NEURL1B: variants seen among roughly 807,000 people sequenced by gnomAD.
NEURL1B encodes the protein E3 ubiquitin-protein ligase NEURL1B.
A neutral mutation model predicts 37.4 loss-of-function variants in NEURL1B; 13 were observed. The ratio of observed to expected loss-of-function variants is 0.35; its 90% CI spans 0.23 to 0.55. The LOEUF is 0.55. NEURL1B is among the 20% of genes least tolerant of loss of function. NEURL1B has a pLI of 0.89. For synonymous variants in NEURL1B, 432 were observed against 426.6 expected (o/e 1.01, Z -0.16); for missense variants, 790 against 879.2 (o/e 0.90, Z 1.28).
At position 172,691,057 on chromosome 5, in the gene NEURL1B, T is replaced by C. The variant is rs1004580713; in HGVS notation, c.*4132T>C. On this transcript the variant is annotated 3_prime_UTR_variant, in exon 5 of 5. Transcript: ENST00000369800. ...CTCGGTATTTAACTGTCTCGCTGTC[T>C]TATCCGAGTCCCTAATGAAACGACT... 13 of 152,314 alleles carry C rather than the reference T, an allele frequency of 8.5e-5. No individual in the cohort carries two copies. Among genetic ancestry groups the C allele is most frequent in the African/African-American group, 3.1e-4 (13 of 41,556 alleles). 9.4% of individuals were successfully genotyped at this position (152,314 alleles called of 1,614,324 possible).
intron 1 of NEURL1B, among the ~76,000 whole-genome samples, chr5:172,666,598 C>T (rs1026267998): frequency 1.3e-5 from 2 of 152,030 alleles, no homozygotes; most frequent in Non-Finnish European, 2.9e-5. Flanking sequence ...TGGCGGAAAG[C>T]GAGATCTCCC....
rs922569708 is a variant in NEURL1B at position 172,657,648 on chromosome 5, T to C, written c.32-12137T>C. 2.0e-5 allele frequency among the ~76,000 whole-genome samples: 3 copies of C among 152,116 alleles called. No individual in the cohort carries two copies. Among genetic ancestry groups the C allele is most frequent in the Non-Finnish European group, 4.4e-5 (3 of 68,008 alleles). On this transcript the variant is annotated intron_variant, in intron 1 of 4. Coordinates refer to ENST00000369800, the MANE Select transcript of NEURL1B (RefSeq NM_001142651.3). This position sits in a 1 kb window ranked among gnomAD's most constrained non-coding sequence, Gnocchi z 4.0. ...GTTGCTTGAGGGCTCCTTGGTCAAG[T>C]GGTAACGCCGGTGTCTGGGAAGGCA...
In NEURL1B at chr5:172,683,980, G is replaced by A; in HGVS notation, c.1139G>A (p.Gly380Asp). 10 of 1,318,090 alleles carry A rather than the reference G, an allele frequency of 7.6e-6. No individual in the cohort carries two copies. The highest frequency in any genetic ancestry group is 9.7e-6 in the Non-Finnish European group (10 of 1,031,112). 81.6% of individuals were successfully genotyped at this position (1,318,090 alleles called of 1,614,324 possible). A position where few individuals can be genotyped will look rare whatever the true frequency, so the allele number is the denominator to read the frequency against. The change falls in exon 3 of 5, where the codon GGC (glycine) becomes GAC (aspartate). Residue 380 changes from glycine to aspartate, a missense_variant. Coordinates refer to ENST00000369800, the MANE Select transcript of NEURL1B (RefSeq NM_001142651.3). This position sits in a 1 kb window ranked among gnomAD's most constrained non-coding sequence, Gnocchi z 5.6. ...VVARAGPVPS[G>D]GDALSFTLRP... ...GCGCGCGCCGGGCCCGTGCCGAGCG[G>A]CGGCGACGCGCTCAGCTTCACGCTG...
chr5:172,643,973 C>G (rs1378358204), intron 1 of NEURL1B, among the ~76,000 whole-genome samples: 1 of 151,956 alleles, frequency 6.6e-6, no homozygotes, highest in Non-Finnish European at 1.5e-5. Context: ...CTTGGGGTCT[C>G]TGCTTGAACG....
chr5:172,670,760 C>A (rs1758115134), intron 2 of NEURL1B, among the ~76,000 whole-genome samples: 1 of 152,230 alleles, frequency 6.6e-6, no homozygotes, highest in African/African-American at 2.4e-5. Flanking sequence ...CTCCTTCACC[C>A]ATTCATTCAC....
chr5:172,654,571 A>ATTTTTTTTTTTTTTTTT (rs34546667), intron 1 of NEURL1B, among the ~76,000 whole-genome samples: 1 of 137,028 alleles, frequency 7.3e-6, no homozygotes, highest in Non-Finnish European at 1.6e-5. Context: ...GAGTTAAACT[A>ATTTTTTTTTTTTTTTTT]TTTTTTTTTT....
In NEURL1B at chr5:172,641,518, A is replaced by AC; in HGVS notation, c.31+85dup. The AC allele has an allele frequency of 1.7e-6, 2 of 1,158,586 alleles. No individual in the cohort carries two copies. The highest frequency in any genetic ancestry group is 2.2e-6 in the Non-Finnish European group (2 of 916,496). The allele number at this position is 1,158,586 out of a possible 1,614,324, so 71.8% of individuals were successfully genotyped here. Reference sequence around the variant, plus strand: ...ACCCGCTGGGTGACTCTGGAGAGCTACCCCACGGCCCTTGGAGCCCTCGGC... The same window carrying AC: ...ACCCGCTGGGTGACTCTGGAGAGCTACCCCCACGGCCCTTGGAGCCCTCGGC... On this transcript the variant is annotated intron_variant, in intron 1 of 4. Transcript: ENST00000369800. This position sits in a 1 kb window ranked among gnomAD's most constrained non-coding sequence, Gnocchi z 6.4.
At chr5:172,658,191 T>C (rs935483090) in intron 1 of NEURL1B, among the ~76,000 whole-genome samples, 62 of 152,280 alleles carry the variant, frequency 4.1e-4, no homozygotes, top group African/African-American at 1.5e-3. Flanking sequence ...CCAGCTGTTT[T>C]CTCTTTATCT....
Position 172,689,388 on chromosome 5 carries a change from G to A in NEURL1B, c.*2463G>A, listed in dbSNP as rs918797860. ...GCACCTTCCTGCGTGAATCCTGTGC[G>A]GCAGGTCTTATTGCCATAATAAGTC... On this transcript the variant is annotated 3_prime_UTR_variant, in exon 5 of 5. Transcript: ENST00000369800. The A allele has an allele frequency of 1.3e-5, 2 of 152,164 alleles. No homozygotes were observed. Among genetic ancestry groups the A allele is most frequent in the African/African-American group, 4.8e-5 (2 of 41,420 alleles). The allele number at this position is 152,164 out of a possible 1,614,324, so 9.4% of individuals were successfully genotyped here. A position where few individuals can be genotyped will look rare whatever the true frequency, so the allele number is the denominator to read the frequency against.
At chr5:172,666,836 C>T (rs1758023128) in intron 1 of NEURL1B, among the ~76,000 whole-genome samples, 1 of 152,098 alleles carries the variant, frequency 6.6e-6, no homozygotes, top group African/African-American at 2.4e-5. Flanking sequence ...GAGGCCTGGC[C>T]AGAAGAGCCC....
chr5:172,656,682 G>T, intron 1 of NEURL1B: 3 of 1,518,966 alleles, frequency 2.0e-6, no homozygotes, highest in Non-Finnish European at 2.7e-6. Flanking sequence ...CTGTTTCAGT[G>T]GCTTCTTCTT....
At chr5:172,643,867 A>T (rs551765740) in intron 1 of NEURL1B, among the ~76,000 whole-genome samples, 1 of 151,978 alleles carries the variant, frequency 6.6e-6, no homozygotes, top group African/African-American at 2.4e-5. Flanking sequence ...CTTCATTTAC[A>T]CGCCAAGCAT....
At chr5:172,651,622 T>C (rs1049691519) in intron 1 of NEURL1B, among the ~76,000 whole-genome samples, 7 of 152,224 alleles carry the variant, frequency 4.6e-5, no homozygotes, top group Admixed American at 4.6e-4. Context: ...TATCCTATTT[T>C]CCCAAGCCAT....
rs980889172 is a variant in NEURL1B, at chr5:172,658,977, T to G, written c.32-10808T>G. Among the ~76,000 whole-genome samples, 3 of 151,594 alleles carry G rather than the reference T, an allele frequency of 2.0e-5. No individual in the cohort carries two copies. The South Asian group carries it at 6.3e-4, about 32-fold the overall frequency. ...TTCGTCCCCAAGTTCCGCCAAACTG[T>G]GGCCTCTGAGGAGCTCAAAACAAGC... On this transcript the variant is annotated intron_variant, in intron 1 of 4. Coordinates refer to ENST00000369800, the MANE Select transcript of NEURL1B (RefSeq NM_001142651.3).
chr5:172,663,101 C>T (rs948810179), intron 1 of NEURL1B, among the ~76,000 whole-genome samples: 5 of 129,632 alleles, frequency 3.9e-5, no homozygotes, highest in Non-Finnish European at 8.4e-5. Context: ...GTCGTCCTAG[C>T]TACTTGGGAG....
intron 1 of NEURL1B, among the ~76,000 whole-genome samples, chr5:172,643,060 G>T (rs960972928): frequency 6.6e-6 from 1 of 152,182 alleles, no homozygotes; most frequent in African/African-American, 2.4e-5. Context: ...ACAGACACAC[G>T]CCAGGCAGGC....
Position 172,641,620 on chromosome 5 carries a change from G to C in NEURL1B, c.31+183G>C, listed in dbSNP as rs922835218. Among the ~76,000 whole-genome samples the C allele has an allele frequency of 6.6e-6, 1 of 152,158 alleles. No homozygotes were observed. The highest frequency in any genetic ancestry group is 2.4e-5 in the African/African-American group (1 of 41,546). Reference sequence around the variant, plus strand: ...CCCCGCGGCTGGGCTTTGCGCCCCGGGAGGGCGGGTACCGCGTCCTGGTTA... The same window carrying C: ...CCCCGCGGCTGGGCTTTGCGCCCCGCGAGGGCGGGTACCGCGTCCTGGTTA... On this transcript the variant is annotated intron_variant, in intron 1 of 4. Coordinates refer to ENST00000369800, the MANE Select transcript of NEURL1B (RefSeq NM_001142651.3). This position sits in a 1 kb window ranked among gnomAD's most constrained non-coding sequence, Gnocchi z 6.4.
intron 2 of NEURL1B, among the ~76,000 whole-genome samples, chr5:172,673,936 C>T (rs1005973808): frequency 2.0e-5 from 3 of 151,750 alleles, no homozygotes; most frequent in East Asian, 3.9e-4. Context: ...GTCAGGAGTT[C>T]GAGACCAGCC....
At position 172,690,995 on chromosome 5, in the gene NEURL1B, G is replaced by T. The variant is rs1758642826; in HGVS notation, c.*4070G>T. On this transcript the variant is annotated 3_prime_UTR_variant, in exon 5 of 5. Transcript: ENST00000369800. ...CTGCGCCTGCCCCAGTCCTGGCAGG[G>T]GGCACCGGCTCAGGAACATGCGGCC... 6.6e-6 allele frequency: 1 copy of T among 152,152 alleles called. No homozygotes were observed. The highest frequency in any genetic ancestry group is 1.5e-5 in the Non-Finnish European group (1 of 68,026). 9.4% of individuals were successfully genotyped at this position (152,152 alleles called of 1,614,324 possible). A position where few individuals can be genotyped will look rare whatever the true frequency, so the allele number is the denominator to read the frequency against.
Sources: gnomAD v4.1 joint callset for allele counts (sites outside exome capture counted in the v4.1 genomes callset) on GRCh38, gnomAD v4.1.1 for gene constraint, Gnocchi (gnomAD v3.1) non-coding constraint, MANE v1.5 for transcripts, NCBI Gene and HGNC (gene_info 2026-07-23, HGNC 2026-07-21) for gene names.